Variants in ROBO1 observed in about 807,000 individuals in gnomAD.
ROBO1 encodes roundabout homolog 1.
A neutral mutation model predicts 195.9 loss-of-function variants in ROBO1; 149 were observed. That is an observed-to-expected ratio of 0.76 (90% CI 0.67 to 0.87). The LOEUF (loss-of-function observed/expected upper bound fraction) is 0.87, where lower values mean the gene tolerates loss of function less well. ROBO1 is among the 40% of genes least tolerant of loss of function. ROBO1 has a pLI of 0.00. For missense variants in ROBO1, 1,933 were observed against 2,068.3 expected, an observed-to-expected ratio of 0.93 and a Z score of 1.27; for synonymous variants, 816 against 733.2, an observed-to-expected ratio of 1.11 and a Z score of -1.82.
chr3:78,769,007 GTTCCAT>G (rs1215814481), intron 4 of ROBO1, among the ~76,000 whole-genome samples: 1 of 152,064 alleles, frequency 6.6e-6, no homozygotes, highest in Non-Finnish European at 1.5e-5. Flanking sequence ...CTTGGAGAAT[GTTCCAT>G]GGGCTGTTGA....
At chr3:78,750,816 G>C (rs1435006803) in intron 4 of ROBO1, among the ~76,000 whole-genome samples, 1 of 152,150 alleles carries the variant, frequency 6.6e-6, no homozygotes, top group Non-Finnish European at 1.5e-5. Context: ...AGAGATCTTT[G>C]ACAACATATA....
At chr3:78,928,300 C>T (rs1274375815) in intron 4 of ROBO1, among the ~76,000 whole-genome samples, 1 of 152,046 alleles carries the variant, frequency 6.6e-6, no homozygotes, top group East Asian at 1.9e-4. Context: ...TAAAACAGAA[C>T]AAAACGCCTT....
chr3:78,977,864 T>C (rs1459661377), intron 3 of ROBO1, among the ~76,000 whole-genome samples: 1 of 152,078 alleles, frequency 6.6e-6, no homozygotes, highest in African/African-American at 2.4e-5. Context: ...TACTTAACAG[T>C]CTATTAATGT....
chr3:79,081,018 C>T (rs1414821367), intron 3 of ROBO1, among the ~76,000 whole-genome samples: 1 of 152,006 alleles, frequency 6.6e-6, no homozygotes, highest in Non-Finnish European at 1.5e-5. Flanking sequence ...CCTCACCTTA[C>T]ATGAAAATGC....
intron 1 of ROBO1, among the ~76,000 whole-genome samples, chr3:79,650,292 A>G (rs527684756): frequency 6.6e-6 from 1 of 151,860 alleles, no homozygotes; most frequent in East Asian, 1.9e-4. Flanking sequence ...ATAATTTAAA[A>G]ACTTTGTCAA....
intron 2 of ROBO1, among the ~76,000 whole-genome samples, chr3:79,364,553 A>G (rs941091549): frequency 6.6e-6 from 1 of 151,618 alleles, no homozygotes; most frequent in Non-Finnish European, 1.5e-5. Context: ...CTCTTGACTA[A>G]TTAATCTTTT....
At chr3:79,433,521 A>G (rs2038762304) in intron 2 of ROBO1, among the ~76,000 whole-genome samples, 1 of 152,002 alleles carries the variant, frequency 6.6e-6, no homozygotes, top group South Asian at 2.1e-4. Context: ...GCCTCAGCCT[A>G]AAGAGTAGCT....
At position 79,197,464 on chromosome 3, in the gene ROBO1, G is replaced by T. The variant is rs200083239; in HGVS notation, c.89-71925C>A. Among the ~76,000 whole-genome samples the T allele has an allele frequency of 6.6e-5, 10 of 152,128 alleles. No homozygotes were observed. In the East Asian group the frequency reaches 1.9e-3, roughly 29 times the overall value. On this transcript the variant is annotated intron_variant, in intron 2 of 30. Transcript: ENST00000464233. ...TAATGGACATTTTGATTGGTTCCAA[G>T]ACTTTGCCATTGTGAACGGTGCCAC...
intron 1 of ROBO1, among the ~76,000 whole-genome samples, chr3:79,727,295 T>A (rs200660671): frequency 1.2e-5 from 1 of 81,270 alleles, no homozygotes; most frequent in Non-Finnish European, 3.3e-5. Context: ...ACTTTAAAAA[T>A]ATGTGAAATA....
intron 2 of ROBO1, among the ~76,000 whole-genome samples, chr3:79,321,897 G>T (rs1647492504): frequency 6.6e-6 from 1 of 152,174 alleles, no homozygotes; most frequent in Admixed American, 6.5e-5. Flanking sequence ...CTTATTAGCT[G>T]AGGTAAGTAG....
At chr3:79,240,335 C>T (rs2082489555) in intron 2 of ROBO1, among the ~76,000 whole-genome samples, 1 of 151,980 alleles carries the variant, frequency 6.6e-6, no homozygotes, top group South Asian at 2.1e-4. Flanking sequence ...GAATAGTATC[C>T]TATTATGTGG....
chr3:79,521,545 G>T (rs1375493840), intron 2 of ROBO1, among the ~76,000 whole-genome samples: 2 of 152,164 alleles, frequency 1.3e-5, no homozygotes, highest in Non-Finnish European at 2.9e-5. Flanking sequence ...ATATGCATGT[G>T]TAAGACAAGT....
chr3:79,052,683 C>T (rs772162151), intron 3 of ROBO1, among the ~76,000 whole-genome samples: 9 of 152,042 alleles, frequency 5.9e-5, no homozygotes, highest in Non-Finnish European at 8.8e-5. Context: ...CTCAGACTGG[C>T]CAACACTTAG....
chr3:79,106,216 G>A (rs1407003879), intron 3 of ROBO1, among the ~76,000 whole-genome samples: 1 of 151,588 alleles, frequency 6.6e-6, no homozygotes, highest in African/African-American at 2.4e-5. Flanking sequence ...TTATTGTTTT[G>A]CTAGTTAAGA....
At chr3:79,535,818 C>G (rs1243065248) in intron 2 of ROBO1, among the ~76,000 whole-genome samples, 1 of 152,112 alleles carries the variant, frequency 6.6e-6, no homozygotes, top group Non-Finnish European at 1.5e-5. Flanking sequence ...CAGTCACTCA[C>G]ACCCTTGATT....
intron 5 of ROBO1, among the ~76,000 whole-genome samples, chr3:78,738,386 G>A (rs72908874): frequency 1.3e-5 from 2 of 152,198 alleles, no homozygotes; most frequent in South Asian, 4.1e-4. Flanking sequence ...GCGTTAAATA[G>A]TTATTTTTGG....
At chr3:78,877,792 C>T (rs2035942323) in intron 4 of ROBO1, among the ~76,000 whole-genome samples, 1 of 152,046 alleles carries the variant, frequency 6.6e-6, no homozygotes, top group South Asian at 2.1e-4. Flanking sequence ...CATGGAGGAG[C>T]CTCCAATATG....
intron 18 of ROBO1, among the ~76,000 whole-genome samples, chr3:78,655,982 C>T (rs1706980722): frequency 6.6e-6 from 1 of 152,110 alleles, no homozygotes; most frequent in South Asian, 2.1e-4. Flanking sequence ...TTTCTTCTTG[C>T]TTTTCAGTTA....
chr3:79,745,862 T>C (rs978439826), intron 1 of ROBO1, among the ~76,000 whole-genome samples: 10 of 152,108 alleles, frequency 6.6e-5, no homozygotes, highest in African/African-American at 2.4e-4. Flanking sequence ...CATTTGTGGC[T>C]TTTTACCCCT....
Sources: gnomAD v4.1 joint callset for allele counts (sites outside exome capture counted in the v4.1 genomes callset) on GRCh38, gnomAD v4.1.1 for gene constraint, MANE v1.5 for transcripts, NCBI Gene and HGNC (gene_info 2026-07-23, HGNC 2026-07-21) for gene names.